Variants in FGF12 observed in about 807,000 individuals in gnomAD.
FGF12 encodes fibroblast growth factor 12.
In FGF12, 14 loss-of-function variants were observed where a neutral mutation model predicts 23.6. The ratio of observed to expected loss-of-function variants is 0.59; its 90% CI spans 0.39 to 0.93. FGF12 has a LOEUF of 0.93. FGF12 is among the 40% of genes least tolerant of loss of function. FGF12 has a pLI of 0.00. For synonymous variants in FGF12, 62 were observed against 77.3 expected (o/e 0.80, Z 1.04); for missense variants, 175 against 217.8 (o/e 0.80, Z 1.24).
intron 2 of FGF12, among the ~76,000 whole-genome samples, chr3:192,415,464 G>C (rs1378532919): frequency 1.3e-5 from 2 of 151,920 alleles, no homozygotes; most frequent in Non-Finnish European, 2.9e-5. Context: ...CCAGATTTTT[G>C]AGCCAAATAG....
chr3:192,520,317 A>T (rs1470746191), intron 2 of FGF12, among the ~76,000 whole-genome samples: 1 of 152,158 alleles, frequency 6.6e-6, no homozygotes, highest in East Asian at 1.9e-4. Context: ...CCTTATTTGT[A>T]ACTTCTTTCT....
At chr3:192,502,950 T>C (rs1467175566) in intron 2 of FGF12, among the ~76,000 whole-genome samples, 1 of 152,230 alleles carries the variant, frequency 6.6e-6, no homozygotes, top group Non-Finnish European at 1.5e-5. Flanking sequence ...TACACTTTTG[T>C]TTTCTGTAGG....
chr3:192,210,744 G>A (rs1717886956), intron 4 of FGF12, among the ~76,000 whole-genome samples: 1 of 152,206 alleles, frequency 6.6e-6, no homozygotes, highest in Admixed American at 6.5e-5. Flanking sequence ...GAGAGTAGAA[G>A]AGAGAGACAG....
intron 2 of FGF12, among the ~76,000 whole-genome samples, chr3:192,663,181 C>T (rs1173836720): frequency 6.6e-6 from 1 of 152,134 alleles, no homozygotes; most frequent in Admixed American, 6.5e-5. Flanking sequence ...TGCGTAGTTA[C>T]TAATACAGTT....
chr3:192,408,093 T>C lies in FGF12; in HGVS notation c.14-47555A>G. The C allele has an allele frequency of 6.2e-7, 1 of 1,613,232 alleles. No homozygotes were observed. Among genetic ancestry groups the C allele is most frequent in the Non-Finnish European group, 8.5e-7 (1 of 1,180,018 alleles). ...CACTTTGCTGAACACCCCGAGGACG[T>C]GCCTCTCGCACAGGGAGCGCCCGTC... On this transcript the variant is annotated intron_variant, in intron 2 of 5. Transcript: ENST00000445105. This position sits in a 1 kb window ranked among gnomAD's most constrained non-coding sequence, Gnocchi z 7.3.
chr3:192,467,699 C>T (rs1723052046), intron 2 of FGF12, among the ~76,000 whole-genome samples: 1 of 152,240 alleles, frequency 6.6e-6, no homozygotes, highest in South Asian at 2.1e-4. Context: ...GATTCAGGCC[C>T]GTTTTAAAGA....
chr3:192,299,580 C>T (rs1425590706), intron 4 of FGF12, among the ~76,000 whole-genome samples: 1 of 152,124 alleles, frequency 6.6e-6, no homozygotes, highest in Non-Finnish European at 1.5e-5. Flanking sequence ...TACAATAAGT[C>T]TACAGAAACT....
intron 2 of FGF12, among the ~76,000 whole-genome samples, chr3:192,511,953 T>C (rs934858290): frequency 6.6e-6 from 1 of 152,182 alleles, no homozygotes; most frequent in Non-Finnish European, 1.5e-5. Flanking sequence ...AAATGATTAG[T>C]TTATATTTTC....
At chr3:192,348,195 A>C (rs1038723051) in intron 3 of FGF12, among the ~76,000 whole-genome samples, 2 of 152,180 alleles carry the variant, frequency 1.3e-5, no homozygotes, top group African/African-American at 4.8e-5. Context: ...TGGGCTTAAT[A>C]ATGCTGTGCA....
chr3:192,274,534 C>A (rs67675367), intron 4 of FGF12, among the ~76,000 whole-genome samples: 64,392 of 151,524 alleles, frequency 0.42, 14,581 homozygotes, highest in East Asian at 0.94. Flanking sequence ...AAACCAGGGT[C>A]GTCAGAGTTT....
chr3:192,522,235 T>C (rs892198033), intron 2 of FGF12, among the ~76,000 whole-genome samples: 20 of 151,924 alleles, frequency 1.3e-4, no homozygotes, highest in Admixed American at 2.6e-4. Context: ...GGGGGACTTT[T>C]TTGTGATTTT....
intron 2 of FGF12, among the ~76,000 whole-genome samples, chr3:192,513,545 T>C (rs1269408081): frequency 1.3e-5 from 2 of 152,212 alleles, no homozygotes; most frequent in African/African-American, 2.4e-5. Flanking sequence ...CCTACATATA[T>C]TATAATCTTT....
At chr3:192,425,187 A>C (rs756794697) in intron 2 of FGF12, among the ~76,000 whole-genome samples, 1 of 152,208 alleles carries the variant, frequency 6.6e-6, no homozygotes, top group Non-Finnish European at 1.5e-5. Context: ...ACATAAAGAA[A>C]TAAAACATAA....
chr3:192,450,576 T>C (rs1359044328), intron 2 of FGF12, among the ~76,000 whole-genome samples: 1 of 152,224 alleles, frequency 6.6e-6, no homozygotes, highest in Non-Finnish European at 1.5e-5. Context: ...CATGTTATGA[T>C]TCATCCAAAT....
chr3:192,331,373 T>C (rs913968780), intron 4 of FGF12, among the ~76,000 whole-genome samples: 2 of 150,972 alleles, frequency 1.3e-5, no homozygotes, highest in Non-Finnish European at 3.0e-5. Context: ...CAACAAGATC[T>C]TGACATTTGT....
At chr3:192,659,346 A>T (rs1156389806) in intron 2 of FGF12, among the ~76,000 whole-genome samples, 1 of 152,162 alleles carries the variant, frequency 6.6e-6, no homozygotes, top group Non-Finnish European at 1.5e-5. Context: ...GTTTTTCAGC[A>T]CCCAGGAGAA....
At chr3:192,382,604 CAT>C (rs1480179038) in intron 2 of FGF12, among the ~76,000 whole-genome samples, 2 of 152,002 alleles carry the variant, frequency 1.3e-5, no homozygotes, top group Non-Finnish European at 2.9e-5. Flanking sequence ...CAAGCAATAA[CAT>C]GTTTTTTCCT....
intron 4 of FGF12, among the ~76,000 whole-genome samples, chr3:192,277,650 T>A (rs1265422249): frequency 1.3e-5 from 2 of 152,230 alleles, no homozygotes; most frequent in East Asian, 3.8e-4. Flanking sequence ...GTCTTTACAG[T>A]GAACATTCTT....
chr3:192,686,816 T>C, intron 2 of FGF12, among the ~76,000 whole-genome samples: 1 of 18,604 alleles, frequency 5.4e-5, no homozygotes, highest in Non-Finnish European at 9.0e-5. Context: ...TTTTCTCTAA[T>C]TTTTTTTTTT....
Sources: allele counts gnomAD v4.1 joint callset (sites outside exome capture counted in the v4.1 genomes callset), GRCh38; gene constraint gnomAD v4.1.1; non-coding constraint Gnocchi (gnomAD v3.1); transcripts MANE v1.5; gene names NCBI Gene and HGNC (gene_info 2026-07-23, HGNC 2026-07-21).